The following HERC1 variants were observed in gnomAD, a reference collection of about 807,000 sequenced individuals.
HERC1 encodes the protein probable E3 ubiquitin-protein ligase HERC1.
In HERC1, 160 loss-of-function variants were observed where a neutral mutation model predicts 554.3. That is an observed-to-expected ratio of 0.29 (90% CI 0.25 to 0.33). The LOEUF is 0.33. HERC1 is among the 10% of genes least tolerant of loss of function. The probability of loss-of-function intolerance (pLI) is 1.00; values close to 1 mark genes in which losing one functional copy is unlikely to be tolerated. For missense variants in HERC1, 4,919 were observed against 5,918.5 expected, an observed-to-expected ratio of 0.83 and a Z score of 5.54; for synonymous variants, 2,175 against 2,131.7, an observed-to-expected ratio of 1.02 and a Z score of -0.56.
At chr15:63,668,151 C>T (rs1428637072) in intron 40 of HERC1, among the ~76,000 whole-genome samples, 7 of 151,886 alleles carry the variant, frequency 4.6e-5, no homozygotes, top group Non-Finnish European at 1.0e-4. Flanking sequence ...ACAGGTGGAA[C>T]AAAATAGAAA....
At chr15:63,671,152 C>T (rs889411497) in intron 39 of HERC1, among the ~76,000 whole-genome samples, 3 of 147,198 alleles carry the variant, frequency 2.0e-5, no homozygotes, top group Non-Finnish European at 4.5e-5. Context: ...ACGGTGAGCC[C>T]AGATCGCACC....
intron 76 of HERC1, among the ~76,000 whole-genome samples, chr15:63,614,443 A>C (rs560607131): frequency 6.6e-6 from 1 of 152,364 alleles, no homozygotes; most frequent in East Asian, 1.9e-4. Context: ...AGGATTAAAA[A>C]TATTCATCAA....
chr15:63,619,960 G>A (rs1480748448), intron 74 of HERC1, among the ~76,000 whole-genome samples: 3 of 152,058 alleles, frequency 2.0e-5, no homozygotes, highest in Admixed American at 2.0e-4. Flanking sequence ...TGGATTCATT[G>A]ATTTTTTGAA....
Position 63,832,071 on chromosome 15 carries a change from G to A in HERC1, c.-27+1756C>T, listed in dbSNP as rs138299515. Among the ~76,000 whole-genome samples, 1,046 of 152,218 alleles carry A rather than the reference G, an allele frequency of 6.9e-3. 10 individuals carry two copies. Among genetic ancestry groups the A allele is most frequent in the African/African-American group, 0.024 (979 of 41,536 alleles). On this transcript the variant is annotated intron_variant, in intron 1 of 77. Coordinates refer to ENST00000443617, the MANE Select transcript of HERC1 (RefSeq NM_003922.4). ...CATTCCAATAACAACAACCCCAGATGACAATCTATCCTATTTTTAAAAGGC... is the reference window on the plus strand; with the variant it reads ...CATTCCAATAACAACAACCCCAGATAACAATCTATCCTATTTTTAAAAGGC...
intron 1 of HERC1, among the ~76,000 whole-genome samples, chr15:63,828,344 C>CT (rs369216037): frequency 0.028 from 4,061 of 144,182 alleles, 72 homozygotes; most frequent in African/African-American, 0.05. Flanking sequence ...AACTTTTTTC[C>CT]TTTTTTTTTT....
intron 1 of HERC1, among the ~76,000 whole-genome samples, chr15:63,816,877 A>T (rs1004104222): frequency 1.3e-5 from 2 of 152,242 alleles, no homozygotes; most frequent in African/African-American, 4.8e-5. Flanking sequence ...AGTCTAAGCA[A>T]TTATCATCAA....
rs1227293117 is a variant in HERC1 at position 63,775,039 on chromosome 15, A to G, written c.585T>C (p.Thr195=). The G allele has an allele frequency of 1.9e-6, 3 of 1,613,908 alleles. No homozygotes were observed. The highest frequency in any genetic ancestry group is 2.2e-5 in the East Asian group (1 of 44,896). ...GLSLCNDVIH[T]AIEVVSSLPP... ...GCAAAGAGCTCACAACTTCAATTGC[A>G]GTATGAATGACATCGTTGCAAAGAC... The change falls in exon 2 of 78, where the codon ACT becomes ACC. Residue 195 remains threonine, a synonymous_variant. Coordinates refer to ENST00000443617, the MANE Select transcript of HERC1 (RefSeq NM_003922.4). This position sits in a 1 kb window ranked among gnomAD's most constrained non-coding sequence, Gnocchi z 4.0.
chr15:63,760,955 A>G (rs1477303633), intron 3 of HERC1, among the ~76,000 whole-genome samples: 1 of 152,202 alleles, frequency 6.6e-6, no homozygotes, highest in Non-Finnish European at 1.5e-5. Flanking sequence ...CTCACATAGG[A>G]AAGAAAATCA....
intron 34 of HERC1, among the ~76,000 whole-genome samples, chr15:63,685,309 G>T (rs1369113236): frequency 6.6e-6 from 1 of 152,246 alleles, no homozygotes; most frequent in Non-Finnish European, 1.5e-5. Context: ...AGAGTGGAAG[G>T]CCCCATGGGG....
Position 63,701,505 on chromosome 15 carries a change from C to T in HERC1, c.4637-2509G>A, listed in dbSNP as rs12591663. Among the ~76,000 whole-genome samples the T allele has an allele frequency of 1.6e-3, 245 of 152,302 alleles. 7 individuals carry two copies. The East Asian group carries it at 0.037, about 23-fold the overall frequency. ...TTAGGCTTTGCAGACCATAAGGTCT[C>T]TGTGACAACTACACAACTCTGCTGT... is the stretch of plus-strand genomic sequence containing the variant. On this transcript the variant is annotated intron_variant, in intron 25 of 77. Transcript: ENST00000443617.
At chr15:63,707,928 CAAAAAAAAAAAAAA>C (rs71131176) in intron 24 of HERC1, among the ~76,000 whole-genome samples, 3 of 55,162 alleles carry the variant, frequency 5.4e-5, no homozygotes, top group Admixed American at 2.5e-4. Context: ...GACTCCCTCT[CAAAAAAAAAAAAAA>C]AAAAAAAAAA....
chr15:63,808,620 GA>G (rs909935208), intron 1 of HERC1, among the ~76,000 whole-genome samples: 1 of 151,616 alleles, frequency 6.6e-6, no homozygotes, highest in African/African-American at 2.4e-5. Flanking sequence ...GATCTTTGGG[GA>G]AAAAAAAGAG....
chr15:63,715,536 AT>A (rs2073508817), intron 22 of HERC1, among the ~76,000 whole-genome samples: 1 of 152,166 alleles, frequency 6.6e-6, no homozygotes. Context: ...CTCAAAAATC[AT>A]TTTTAGAAGT....
At chr15:63,654,629 G>A (rs1218954787) in intron 50 of HERC1, among the ~76,000 whole-genome samples, 1 of 151,648 alleles carries the variant, frequency 6.6e-6, no homozygotes, top group Non-Finnish European at 1.5e-5. Context: ...AAGGTGGGAG[G>A]ATCACCTGAG....
At chr15:63,793,551 G>A (rs546852733) in intron 1 of HERC1, among the ~76,000 whole-genome samples, 1 of 152,176 alleles carries the variant, frequency 6.6e-6, no homozygotes, top group Non-Finnish European at 1.5e-5. Context: ...TTCACCCCTT[G>A]TTTAGTATAT....
chr15:63,767,679 CAA>C (rs1332176656), intron 2 of HERC1, among the ~76,000 whole-genome samples: 2 of 152,154 alleles, frequency 1.3e-5, no homozygotes, highest in Admixed American at 6.5e-5. Context: ...GCCTGGGAAA[CAA>C]GAGCGAGGCT....
At chr15:63,685,190 G>A (rs2071686186) in intron 34 of HERC1, among the ~76,000 whole-genome samples, 1 of 152,168 alleles carries the variant, frequency 6.6e-6, no homozygotes, top group Non-Finnish European at 1.5e-5. Context: ...CACTCTTGAG[G>A]CAGGAATAAT....
rs2069266744 is a variant in HERC1 at position 63,645,104 on chromosome 15, A to C, written c.11079-7T>G. ...TAAGCCACTCTGACAGCCACTTAAAAAAATTGATCACATAAAACCAAAACA... is the reference window on the plus strand; with the variant it reads ...TAAGCCACTCTGACAGCCACTTAAACAAATTGATCACATAAAACCAAAACA... On this transcript the variant is annotated splice_region_variant and splice_polypyrimidine_tract_variant and intron_variant, in intron 56 of 77. Coordinates refer to ENST00000443617, the MANE Select transcript of HERC1 (RefSeq NM_003922.4). 6.2e-7 allele frequency: 1 copy of C among 1,611,180 alleles called. No homozygotes were observed. Among genetic ancestry groups the C allele is most frequent in the Admixed American group, 1.7e-5 (1 of 59,964 alleles).
At position 63,694,166 on chromosome 15, in the gene HERC1, A is replaced by T; in HGVS notation, c.5481-9T>A. 7.6e-6 allele frequency: 12 copies of T among 1,584,006 alleles called. No homozygotes were observed. The highest frequency in any genetic ancestry group is 1.0e-5 in the Non-Finnish European group (12 of 1,165,886). On this transcript the variant is annotated splice_polypyrimidine_tract_variant and intron_variant, in intron 29 of 77. Coordinates refer to ENST00000443617, the MANE Select transcript of HERC1 (RefSeq NM_003922.4). The surrounding 1 kb of genome is among the most constrained non-coding windows in gnomAD (Gnocchi z 4.3). ...GTTTATCAGCATAGGTCCTATGTGA[A>T]ATAAAAGAAAAAAATAAGTGGCAAA...
Sources: gnomAD v4.1 joint callset for allele counts (sites outside exome capture counted in the v4.1 genomes callset) on GRCh38, gnomAD v4.1.1 for gene constraint, Gnocchi (gnomAD v3.1) non-coding constraint, MANE v1.5 for transcripts, NCBI Gene and HGNC (gene_info 2026-07-23, HGNC 2026-07-21) for gene names.